NFIX: variants seen among roughly 807,000 people sequenced by gnomAD.
NFIX encodes nuclear factor 1 X-type.
Under a neutral mutation model 53.3 loss-of-function variants are expected in NFIX, and 2 were observed. The ratio of observed to expected loss-of-function variants is 0.04; its 90% confidence interval spans 0.02 to 0.12. The LOEUF (loss-of-function observed/expected upper bound fraction) is 0.12. Ranked by LOEUF, NFIX falls within the 10% of genes least tolerant of loss-of-function variation. The pLI, the probability that NFIX is intolerant of heterozygous loss-of-function variation, is 1.00. For synonymous variants in NFIX, 244 were observed against 289.0 expected (o/e 0.84, Z 1.58); for missense variants, 310 against 674.5 (o/e 0.46, Z 5.99).
At chr19:13,042,485 G>C (rs2014706996) in intron 2 of NFIX, among the ~76,000 whole-genome samples, 1 of 148,270 alleles carries the variant, frequency 6.7e-6, no homozygotes, top group African/African-American at 2.5e-5. Context: ...TTCAGGAGAA[G>C]CTGGGTTTAC....
intron 1 of NFIX, among the ~76,000 whole-genome samples, chr19:13,018,350 GGC>G (rs1555695586): frequency 6.4e-5 from 7 of 109,392 alleles, no homozygotes; most frequent in African/African-American, 1.3e-4. Context: ...GGGGGGGGGG[GGC>G]GCGGTTTACA....
chr19:13,068,988 C>T lies in NFIX; in HGVS notation c.560-4059C>T, dbSNP rs2145411996. On this transcript the variant is annotated intron_variant, in intron 2 of 10. Coordinates refer to ENST00000592199, the MANE Select transcript of NFIX (RefSeq NM_001365902.3). This position sits in a 1 kb window ranked among gnomAD's most constrained non-coding sequence, Gnocchi z 4.2. Reference sequence around the variant, plus strand: ...ACCCCGAATGCCAGCCTGGCCAAGGCACCTGTCGGACACAGCGGCTGGGCT... The same window carrying T: ...ACCCCGAATGCCAGCCTGGCCAAGGTACCTGTCGGACACAGCGGCTGGGCT... Among the ~76,000 whole-genome samples, 1 of 152,372 alleles carries T rather than the reference C, an allele frequency of 6.6e-6. No homozygotes were observed. The highest frequency in any genetic ancestry group is 6.5e-5 in the Admixed American group (1 of 15,310).
rs941756482 is a variant in NFIX at position 13,095,628 on chromosome 19, G to C, written c.*979G>C. The C allele has an allele frequency of 6.6e-6, 1 of 152,348 alleles. No individual in the cohort carries two copies. Among genetic ancestry groups the C allele is most frequent in the Non-Finnish European group, 1.5e-5 (1 of 68,060 alleles). 9.4% of individuals were successfully genotyped at this position (152,348 alleles called of 1,614,324 possible). ...CCCTGCCCCTCATGCAGACTGCCCT[G>C]CTGGGGCCGGGCCGGAGGGTGGAGC... On this transcript the variant is annotated 3_prime_UTR_variant, in exon 11 of 11. Coordinates refer to ENST00000592199, the MANE Select transcript of NFIX (RefSeq NM_001365902.3).
At chr19:13,035,275 G>T (rs1221413846) in intron 2 of NFIX, among the ~76,000 whole-genome samples, 1 of 152,200 alleles carries the variant, frequency 6.6e-6, no homozygotes, top group Admixed American at 6.5e-5. Flanking sequence ...CGCTTTTCCG[G>T]ATAGCAGAGC....
chr19:13,090,447 G>T lies in NFIX; in HGVS notation c.1494+57G>T. ...GGACCAGGGGAGTAGTCAGGGTTGG[G>T]GGGCATCTTGGTGTTAGGGAAGAGC... On this transcript the variant is annotated intron_variant, in intron 10 of 10. Coordinates refer to ENST00000592199, the MANE Select transcript of NFIX (RefSeq NM_001365902.3). This position sits in a 1 kb window ranked among gnomAD's most constrained non-coding sequence, Gnocchi z 6.6. The T allele has an allele frequency of 6.7e-7, 1 of 1,501,204 alleles. No individual in the cohort carries two copies. 93.0% of individuals were successfully genotyped at this position (1,501,204 alleles called of 1,614,324 possible).
chr19:13,073,547 G>T lies in NFIX; in HGVS notation c.697+51G>T, dbSNP rs375980582. ...AGGGATGGGGATTGAAAGTGAGGAGGTGGGACCTCATGGGATGTCCTCCTA... is the reference window on the plus strand; with the variant it reads ...AGGGATGGGGATTGAAAGTGAGGAGTTGGGACCTCATGGGATGTCCTCCTA... On this transcript the variant is annotated intron_variant, in intron 4 of 10. Transcript: ENST00000592199. This position sits in a 1 kb window ranked among gnomAD's most constrained non-coding sequence, Gnocchi z 4.5. The T allele has an allele frequency of 2.0e-6, 3 of 1,524,604 alleles. No individual in the cohort carries two copies. The highest frequency in any genetic ancestry group is 1.7e-4 in the Middle Eastern group (1 of 5,762). 94.4% of individuals were successfully genotyped at this position (1,524,604 alleles called of 1,614,324 possible).
intron 7 of NFIX, among the ~76,000 whole-genome samples, chr19:13,080,724 G>A (rs1280121264): frequency 6.6e-6 from 1 of 152,086 alleles, no homozygotes; most frequent in African/African-American, 2.4e-5. Context: ...ATACTGGCTG[G>A]GCGCGGTGTC....
At chr19:13,019,703 C>T (rs2012857088) in intron 1 of NFIX, among the ~76,000 whole-genome samples, 1 of 138,366 alleles carries the variant, frequency 7.2e-6, no homozygotes. Context: ...TCAGTGAAAA[C>T]TGTTGCTGGT....
In NFIX at chr19:13,060,688, T is replaced by C. The variant is rs2016017977; in HGVS notation, c.560-12359T>C. On this transcript the variant is annotated intron_variant, in intron 2 of 10. Transcript: ENST00000592199. The surrounding 1 kb of genome is among the most constrained non-coding windows in gnomAD (Gnocchi z 4.3). ...CTGTTTTGCTCTGGGGCCTGAGGAT[T>C]GCGGGGCCAGGGAAGCAACCAGGCC... 1.3e-5 allele frequency among the ~76,000 whole-genome samples: 2 copies of C among 151,974 alleles called. No individual in the cohort carries two copies. Among genetic ancestry groups the C allele is most frequent in the South Asian group, 2.1e-4 (1 of 4,816 alleles).
Position 13,073,005 on chromosome 19 carries a change from A to T in NFIX, c.560-42A>T. ...AATGCTTGGCTGGTGCTTATGGGGA[A>T]CTTTGCTCCTGATACATTCTCCCCT... On this transcript the variant is annotated intron_variant, in intron 2 of 10. Transcript: ENST00000592199. This position sits in a 1 kb window ranked among gnomAD's most constrained non-coding sequence, Gnocchi z 4.5. 6.3e-7 allele frequency: 1 copy of T among 1,593,004 alleles called. No individual in the cohort carries two copies. Among genetic ancestry groups the T allele is most frequent in the Non-Finnish European group, 8.6e-7 (1 of 1,161,022 alleles).
At position 13,009,005 on chromosome 19, in the gene NFIX, TC is replaced by T. The variant is rs1024526401; in HGVS notation, c.27+13144del. Among the ~76,000 whole-genome samples the T allele has an allele frequency of 6.6e-6, 1 of 152,138 alleles. No individual in the cohort carries two copies. The highest frequency in any genetic ancestry group is 1.5e-5 in the Non-Finnish European group (1 of 68,018). On this transcript the variant is annotated intron_variant, in intron 1 of 10. Coordinates refer to ENST00000592199, the MANE Select transcript of NFIX (RefSeq NM_001365902.3). This position sits in a 1 kb window ranked among gnomAD's most constrained non-coding sequence, Gnocchi z 4.7. ...TCACCGAGGTAGATTTGCGGGGGTCTCCCAGTCCCAGTCCCACACACTGCCT... is the reference window on the plus strand; with the variant it reads ...TCACCGAGGTAGATTTGCGGGGGTCTCCAGTCCCAGTCCCACACACTGCCT...
In NFIX at chr19:13,077,702, C is replaced by G. The variant is rs150339868; in HGVS notation, c.956-911C>G. ...GGCAGCTGTGAGATCTGCCCCAACTCTACCTTATCCTTCCCAGCCTGGGCA... is the reference window on the plus strand; with the variant it reads ...GGCAGCTGTGAGATCTGCCCCAACTGTACCTTATCCTTCCCAGCCTGGGCA... On this transcript the variant is annotated intron_variant, in intron 6 of 10. Transcript: ENST00000592199. Among the ~76,000 whole-genome samples the G allele has an allele frequency of 4.7e-3, 714 of 152,354 alleles. 4 individuals are homozygous for G. The highest frequency in any genetic ancestry group is 0.015 in the African/African-American group (632 of 41,574).
At chr19:13,047,864 T>C (rs931068) in intron 2 of NFIX, among the ~76,000 whole-genome samples, 71,439 of 151,982 alleles carry the variant, frequency 0.47, 19,042 homozygotes, top group African/African-American at 0.71. Flanking sequence ...GTGGCAGCAT[T>C]CCGGCCCGGT....
At position 13,006,907 on chromosome 19, in the gene NFIX, G is replaced by A. The variant is rs1052572067; in HGVS notation, c.27+11043G>A. Among the ~76,000 whole-genome samples the A allele has an allele frequency of 2.0e-5, 3 of 152,312 alleles. No individual in the cohort carries two copies. Among genetic ancestry groups the A allele is most frequent in the Admixed American group, 1.3e-4 (2 of 15,308 alleles). On this transcript the variant is annotated intron_variant, in intron 1 of 10. Transcript: ENST00000592199. The surrounding 1 kb of genome is among the most constrained non-coding windows in gnomAD (Gnocchi z 5.6). ...ACCCCATGCCCGGGCAGAGCCGAGC[G>A]GCTGCTGCTGCCAGTCTCCATTTCG...
In NFIX at chr19:13,037,978, G is replaced by A. The variant is rs2014330832; in HGVS notation, c.559+12426G>A. Among the ~76,000 whole-genome samples the A allele has an allele frequency of 6.6e-6, 1 of 152,158 alleles. No individual in the cohort carries two copies. The highest frequency in any genetic ancestry group is 1.5e-5 in the Non-Finnish European group (1 of 68,032). ...GCTGTGCGTGGTCTCTCCTCAGGAC[G>A]CCTCTTGCCTCTGCTAGCAGAGTGG... On this transcript the variant is annotated intron_variant, in intron 2 of 10. Coordinates refer to ENST00000592199, the MANE Select transcript of NFIX (RefSeq NM_001365902.3). This position sits in a 1 kb window ranked among gnomAD's most constrained non-coding sequence, Gnocchi z 4.2.
In NFIX at chr19:13,060,626, G is replaced by C. The variant is rs748662827; in HGVS notation, c.560-12421G>C. ...TGTGACCCTTGGTGCCTGGCAAGGC[G>C]GGGGGGTAGGGAGCAGCCCTCGCAC... On this transcript the variant is annotated intron_variant, in intron 2 of 10. Coordinates refer to ENST00000592199, the MANE Select transcript of NFIX (RefSeq NM_001365902.3). The surrounding 1 kb of genome is among the most constrained non-coding windows in gnomAD (Gnocchi z 4.3). Among the ~76,000 whole-genome samples, 3 of 152,092 alleles carry C rather than the reference G, an allele frequency of 2.0e-5. No individual in the cohort carries two copies. Among genetic ancestry groups the C allele is most frequent in the Admixed American group, 6.5e-5 (1 of 15,274 alleles).
At chr19:13,069,563 A>T (rs2016641999) in intron 2 of NFIX, among the ~76,000 whole-genome samples, 1 of 152,168 alleles carries the variant, frequency 6.6e-6, no homozygotes, top group South Asian at 2.1e-4. Flanking sequence ...AGGGACTGCC[A>T]GGGCAGAGCC....
chr19:13,029,999 TGAGTA>T (rs2013677457), intron 2 of NFIX, among the ~76,000 whole-genome samples: 1 of 151,944 alleles, frequency 6.6e-6, no homozygotes. Flanking sequence ...GGCTCTGGGG[TGAGTA>T]TGTGGGAGGG....
intron 8 of NFIX, among the ~76,000 whole-genome samples, chr19:13,086,574 C>T (rs1356253389): frequency 6.6e-6 from 1 of 152,152 alleles, no homozygotes; most frequent in African/African-American, 2.4e-5. Context: ...GTCCTGTGCA[C>T]CGCAGGATGT....
Sources: allele counts gnomAD v4.1 joint callset (sites outside exome capture counted in the v4.1 genomes callset), GRCh38; gene constraint gnomAD v4.1.1; non-coding constraint Gnocchi (gnomAD v3.1); transcripts MANE v1.5; gene names NCBI Gene and HGNC (gene_info 2026-07-23, HGNC 2026-07-21).